Variants in TESPA1 observed in about 807,000 individuals in gnomAD.
The protein encoded by TESPA1 is thymocyte expressed, positive selection associated 1, also known as protein TESPA1.
Under a neutral mutation model 57.9 loss-of-function variants are expected in TESPA1, and 33 were observed. The ratio of observed to expected loss-of-function variants is 0.57; its 90% CI spans 0.43 to 0.76. The LOEUF is 0.76. TESPA1 is among the 30% of genes least tolerant of loss of function. The pLI, the probability that TESPA1 is intolerant of heterozygous loss-of-function variation, is 0.00. For synonymous variants in TESPA1, 227 were observed against 228.9 expected, an observed-to-expected ratio of 0.99 and a Z score of 0.07; for missense variants, 618 against 632.9, an observed-to-expected ratio of 0.98 and a Z score of 0.25.
intron 10 of TESPA1, among the ~76,000 whole-genome samples, chr12:54,955,821 A>T (rs1950697070): frequency 6.6e-6 from 1 of 152,222 alleles, no homozygotes; most frequent in Non-Finnish European, 1.5e-5. Context: ...GAGGCAAAAC[A>T]ACCTTGGTAA....
chr12:54,972,895 T>C (rs1429279884), intron 3 of TESPA1, among the ~76,000 whole-genome samples: 1 of 152,192 alleles, frequency 6.6e-6, no homozygotes, highest in African/African-American at 2.4e-5. Flanking sequence ...GAATTCTTCC[T>C]TTTGTGTCTG....
intron 9 of TESPA1, among the ~76,000 whole-genome samples, 159 bp from the exon 10 acceptor site, chr12:54,961,426 G>A (rs1396646965): frequency 3.3e-5 from 5 of 152,198 alleles, no homozygotes; most frequent in Admixed American, 6.5e-5. Flanking sequence ...AGGCAGGAGC[G>A]GAGGTGTAGC....
At chr12:54,961,532 C>A (rs1238977573) in intron 9 of TESPA1, among the ~76,000 whole-genome samples, 1 of 152,138 alleles carries the variant, frequency 6.6e-6, no homozygotes, top group East Asian at 1.9e-4. Flanking sequence ...TTAAAGAGAT[C>A]CCAACACTTC....
intron 9 of TESPA1, among the ~76,000 whole-genome samples, chr12:54,961,900 C>T (rs1951102673): frequency 6.6e-6 from 1 of 152,116 alleles, no homozygotes; most frequent in African/African-American, 2.4e-5. Context: ...CATGGACATG[C>T]AAGGTCCCTT....
At chr12:54,982,177 C>G (rs913587148) in intron 1 of TESPA1, among the ~76,000 whole-genome samples, 1 of 152,244 alleles carries the variant, frequency 6.6e-6, no homozygotes, top group Non-Finnish European at 1.5e-5. Flanking sequence ...CAATCTGCAA[C>G]AAATTCTCAC....
In TESPA1 at chr12:54,956,137, A is replaced by G. The variant is rs148254789; in HGVS notation, c.*1+5031T>C. 5.6e-4 allele frequency among the ~76,000 whole-genome samples: 85 copies of G among 152,346 alleles called. No individual in the cohort carries two copies. In the East Asian group the frequency reaches 0.016, roughly 29 times the overall value. On this transcript the variant is annotated intron_variant, in intron 10 of 10. Transcript: ENST00000449076. Reference sequence around the variant, plus strand: ...AATCTTACATCAAAGAGAAGACTGTAGCTACCCAACTTACACAGGTTCCAC... The same window carrying G: ...AATCTTACATCAAAGAGAAGACTGTGGCTACCCAACTTACACAGGTTCCAC...
At chr12:54,967,694 G>A (rs1051926943) in intron 4 of TESPA1, 149 bp downstream of exon 4, 18 of 929,204 alleles carry the variant, frequency 1.9e-5, no homozygotes, top group Non-Finnish European at 2.7e-5. Flanking sequence ...TTGTGACCAC[G>A]AATAGTGTTT....
intron 10 of TESPA1, among the ~76,000 whole-genome samples, chr12:54,954,534 A>G (rs1006690159): frequency 1.1e-4 from 17 of 152,234 alleles, no homozygotes; most frequent in African/African-American, 4.1e-4. Flanking sequence ...GCCAAGGCAC[A>G]CAACATCAGG....
At chr12:54,960,490 T>C (rs541746325) in intron 10 of TESPA1, among the ~76,000 whole-genome samples, 1 of 152,302 alleles carries the variant, frequency 6.6e-6, no homozygotes, top group South Asian at 2.1e-4. Context: ...TGAGGTACAT[T>C]GAGGAGTCTG....
At chr12:54,965,445 G>T (rs887011202) in intron 7 of TESPA1, among the ~76,000 whole-genome samples, 1 of 152,284 alleles carries the variant, frequency 6.6e-6, no homozygotes, top group East Asian at 1.9e-4. Context: ...AACATGTGGT[G>T]TTTGGTTTTC....
At chr12:54,955,174 T>C (rs34186857) in intron 10 of TESPA1, among the ~76,000 whole-genome samples, 31,229 of 152,156 alleles carry the variant, frequency 0.21, 5,456 homozygotes, top group East Asian at 0.84. Context: ...ATTTTCTTGA[T>C]GATTAGTGAT....
intron 1 of TESPA1, among the ~76,000 whole-genome samples, chr12:54,975,746 G>A (rs1952113201): frequency 6.6e-6 from 1 of 151,598 alleles, no homozygotes; most frequent in South Asian, 2.1e-4. Flanking sequence ...AGAGACTTCT[G>A]TTCTTCCAAC....
At chr12:54,980,476 C>T (rs927928278) in intron 1 of TESPA1, among the ~76,000 whole-genome samples, 12 of 151,994 alleles carry the variant, frequency 7.9e-5, no homozygotes, top group African/African-American at 1.5e-4. Context: ...TATTTCATAA[C>T]GGTTTGGGGC....
At chr12:54,951,367 G>C (rs543765075) in intron 10 of TESPA1, among the ~76,000 whole-genome samples, 138 of 152,162 alleles carry the variant, frequency 9.1e-4, no homozygotes, top group South Asian at 2.3e-3. Context: ...ACAGCCTGTG[G>C]AACCATGAGC....
At chr12:54,973,606 C>T in intron 2 of TESPA1, 87 bp from the exon 3 acceptor site, 1 of 1,603,756 alleles carries the variant, frequency 6.2e-7, no homozygotes, top group Non-Finnish European at 8.5e-7. Flanking sequence ...CAAGTTTATT[C>T]TTACATAAGC....
At chr12:54,972,305 T>C (rs1325440526) in intron 3 of TESPA1, among the ~76,000 whole-genome samples, 1 of 152,212 alleles carries the variant, frequency 6.6e-6, no homozygotes, top group African/African-American at 2.4e-5. Flanking sequence ...AATGAGCATA[T>C]TTTAAACTAC....
At position 54,950,327 on chromosome 12, in the gene TESPA1, C is replaced by T. The variant is rs1428495708; in HGVS notation, c.*65G>A. The T allele has an allele frequency of 4.4e-6, 2 of 456,748 alleles. No homozygotes were observed. Among genetic ancestry groups the T allele is most frequent in the Non-Finnish European group, 8.8e-6 (2 of 226,944 alleles). The allele number at this position is 456,748 out of a possible 1,614,324, so 28.3% of individuals were successfully genotyped here. A position where few individuals can be genotyped will look rare whatever the true frequency, so the allele number is the denominator to read the frequency against. On this transcript the variant is annotated 3_prime_UTR_variant, in exon 11 of 11. Transcript: ENST00000449076. ...CAGTGCAGTTTCCTGCAAGAGGTGG[C>T]TTTTAGTTTCTTCTTTGAAGCCAAT...
chr12:54,972,217 A>T (rs1017129764), intron 3 of TESPA1, among the ~76,000 whole-genome samples: 2 of 152,216 alleles, frequency 1.3e-5, no homozygotes, highest in African/African-American at 4.8e-5. Flanking sequence ...TGAGTGAAGA[A>T]AGATGATTTC....
At chr12:54,950,499 A>G (rs1261550204) in intron 10 of TESPA1, 109 bp from the exon 11 acceptor site, 2 of 356,384 alleles carry the variant, frequency 5.6e-6, no homozygotes, top group Non-Finnish European at 1.1e-5. Flanking sequence ...TCTCAGTATT[A>G]TAAGTGACAT....
Sources: gnomAD v4.1 joint callset for allele counts (sites outside exome capture counted in the v4.1 genomes callset) on GRCh38, gnomAD v4.1.1 for gene constraint, MANE v1.5 for transcripts, NCBI Gene and HGNC (gene_info 2026-07-23, HGNC 2026-07-21) for gene names.